Variants in SDK1 observed in about 807,000 individuals in gnomAD.
SDK1 encodes protein sidekick-1.
In SDK1, 157 loss-of-function variants were observed where a neutral mutation model predicts 245.5. The ratio of observed to expected loss-of-function variants is 0.64; its 90% confidence interval spans 0.56 to 0.73. SDK1 has a LOEUF of 0.73. Ranked by LOEUF, SDK1 falls within the 30% of genes least tolerant of loss-of-function variation. SDK1 has a pLI of 0.00. For synonymous variants in SDK1, 1,647 were observed against 1,278.5 expected (o/e 1.29, Z -6.15); for missense variants, 3,583 against 3,002.3 (o/e 1.19, Z -4.52).
At chr7:3,792,350 C>T (rs968560321) in intron 4 of SDK1, among the ~76,000 whole-genome samples, 1 of 152,096 alleles carries the variant, frequency 6.6e-6, no homozygotes, top group Non-Finnish European at 1.5e-5. Flanking sequence ...CTTTCCTCTT[C>T]TCTTTCTTCC....
intron 37 of SDK1, among the ~76,000 whole-genome samples, chr7:4,209,189 C>A (rs1181015436): frequency 6.6e-6 from 1 of 152,114 alleles, no homozygotes; most frequent in African/African-American, 2.4e-5. Context: ...AGGATGTGGG[C>A]AGATCTGTAG....
chr7:3,496,342 G>T (rs2128606670), intron 1 of SDK1, among the ~76,000 whole-genome samples: 1 of 152,152 alleles, frequency 6.6e-6, no homozygotes, highest in African/African-American at 2.4e-5. Flanking sequence ...GCACTGTTTG[G>T]AGTCTCACTG....
chr7:3,435,576 G>A (rs1460162686), intron 1 of SDK1, among the ~76,000 whole-genome samples: 1 of 151,702 alleles, frequency 6.6e-6, no homozygotes, highest in Non-Finnish European at 1.5e-5. Context: ...TGTTGTCCAG[G>A]CTGGTTTCGA....
rs1583954873 is a variant in SDK1 at position 3,498,711 on chromosome 7, A to G, written c.299-120369A>G. On this transcript the variant is annotated intron_variant, in intron 1 of 44. Transcript: ENST00000404826. ...ATATTTGTTACCGGAATGTCTCAGAATGTTGCCTGTAGGCCTCATCTTTTT... is the reference window on the plus strand; with the variant it reads ...ATATTTGTTACCGGAATGTCTCAGAGTGTTGCCTGTAGGCCTCATCTTTTT... 2.0e-5 allele frequency among the ~76,000 whole-genome samples: 3 copies of G among 148,266 alleles called. No homozygotes were observed. The South Asian group carries it at 6.4e-4, about 32-fold the overall frequency.
intron 1 of SDK1, among the ~76,000 whole-genome samples, chr7:3,470,584 G>A (rs763807008): frequency 6.6e-6 from 1 of 152,088 alleles, no homozygotes; most frequent in Non-Finnish European, 1.5e-5. Context: ...GGTTAAACTA[G>A]GTACGCTGGA....
chr7:3,695,176 GC>G (rs1157895583), intron 4 of SDK1, among the ~76,000 whole-genome samples: 1 of 152,148 alleles, frequency 6.6e-6, no homozygotes, highest in African/African-American at 2.4e-5. Flanking sequence ...TTACAAGACA[GC>G]ATGGTCTACT....
intron 4 of SDK1, among the ~76,000 whole-genome samples, chr7:3,725,148 T>A (rs1319705721): frequency 6.6e-6 from 1 of 151,988 alleles, no homozygotes; most frequent in Non-Finnish European, 1.5e-5. Context: ...CTGAATAGAG[T>A]TCAGTTAAGA....
At position 3,877,223 on chromosome 7, in the gene SDK1, C is replaced by T. The variant is rs939995407; in HGVS notation, c.847+55640C>T. On this transcript the variant is annotated intron_variant, in intron 5 of 44. Transcript: ENST00000404826. ...ACCCTCCTGGCCCATGGCAGCTGAG[C>T]GTTGCCCCTGTTTTTTCCATGCATT... Among the ~76,000 whole-genome samples the T allele has an allele frequency of 3.3e-5, 5 of 152,162 alleles. No individual in the cohort carries two copies. The South Asian group carries it at 8.3e-4, about 25-fold the overall frequency.
chr7:3,402,762 T>C (rs891195239), intron 1 of SDK1, among the ~76,000 whole-genome samples: 1 of 152,216 alleles, frequency 6.6e-6, no homozygotes, highest in Non-Finnish European at 1.5e-5. Context: ...GTTGCAATAT[T>C]TTTGAGTCTA....
chr7:3,496,043 A>T (rs1782015510), intron 1 of SDK1, among the ~76,000 whole-genome samples: 1 of 152,204 alleles, frequency 6.6e-6, no homozygotes, highest in Non-Finnish European at 1.5e-5. Context: ...CTTAAGTGAT[A>T]CACTTTTTCC....
intron 1 of SDK1, among the ~76,000 whole-genome samples, chr7:3,321,948 T>C (rs1242082515): frequency 6.6e-6 from 1 of 150,868 alleles, no homozygotes; most frequent in Non-Finnish European, 1.5e-5. Context: ...ATACCTTTGT[T>C]CCCCCAGCCT....
chr7:3,944,365 C>A (rs1780493906), intron 5 of SDK1, among the ~76,000 whole-genome samples: 1 of 152,186 alleles, frequency 6.6e-6, no homozygotes, highest in Non-Finnish European at 1.5e-5. Flanking sequence ...AAATAGAATT[C>A]CTTTCTCTAC....
At chr7:3,923,756 A>T (rs1162369368) in intron 5 of SDK1, among the ~76,000 whole-genome samples, 1 of 152,356 alleles carries the variant, frequency 6.6e-6, no homozygotes, top group African/African-American at 2.4e-5. Context: ...TTCACGAGGC[A>T]TTTGCAGATT....
intron 1 of SDK1, among the ~76,000 whole-genome samples, chr7:3,323,081 C>T (rs976837534): frequency 2.8e-4 from 42 of 152,144 alleles, no homozygotes; most frequent in African/African-American, 9.4e-4. Context: ...AAATTACAGG[C>T]GTGAACCAAT....
chr7:4,189,040 C>A (rs1036998556), intron 35 of SDK1, among the ~76,000 whole-genome samples: 9 of 137,242 alleles, frequency 6.6e-5, no homozygotes, highest in Admixed American at 6.3e-4. Context: ...ATTTTACAAT[C>A]ATTTTGGCAA....
At chr7:3,892,128 CA>C (rs1781475519) in intron 5 of SDK1, among the ~76,000 whole-genome samples, 1 of 152,128 alleles carries the variant, frequency 6.6e-6, no homozygotes, top group African/African-American at 2.4e-5. Flanking sequence ...TCCAGCTTGC[CA>C]TCACCTAAAC....
At chr7:4,155,426 G>C (rs917539418) in intron 30 of SDK1, among the ~76,000 whole-genome samples, 2 of 152,202 alleles carry the variant, frequency 1.3e-5, no homozygotes, top group Non-Finnish European at 2.9e-5. Context: ...GGCACACCAC[G>C]TGTGCCCGGC....
chr7:3,446,266 A>G (rs955670092), intron 1 of SDK1, among the ~76,000 whole-genome samples: 1 of 152,132 alleles, frequency 6.6e-6, no homozygotes, highest in East Asian at 1.9e-4. Context: ...TATTATCTCT[A>G]TTTTGTGGAT....
rs541154269 is a variant in SDK1 at position 4,198,684 on chromosome 7, G to A, written c.5099-7195G>A. ...TCTGGGCCTTTACCTAAAGTTGTGC[G>A]ACTCCCACCTTAGAGAAGCAGCTTG... is the stretch of plus-strand genomic sequence containing the variant. On this transcript the variant is annotated intron_variant, in intron 35 of 44. Coordinates refer to ENST00000404826, the MANE Select transcript of SDK1 (RefSeq NM_152744.4). Among the ~76,000 whole-genome samples the A allele has an allele frequency of 5.1e-4, 77 of 152,236 alleles. No individual in the cohort carries two copies. In the South Asian group the frequency reaches 1.0e-2, roughly 20 times the overall value.
Sources: gnomAD v4.1 joint callset for allele counts (sites outside exome capture counted in the v4.1 genomes callset) on GRCh38, gnomAD v4.1.1 for gene constraint, MANE v1.5 for transcripts, NCBI Gene and HGNC (gene_info 2026-07-23, HGNC 2026-07-21) for gene names.